The following INPPL1 variants were observed in gnomAD, a reference collection of about 807,000 sequenced individuals.
INPPL1 encodes the protein inositol polyphosphate phosphatase like 1.
A neutral mutation model predicts 139.3 loss-of-function variants in INPPL1; 91 were observed. The observed-to-expected ratio is 0.65, with a 90% CI of 0.55 to 0.78. INPPL1 has a LOEUF of 0.78. INPPL1 is among the 30% of genes least tolerant of loss of function. The pLI is 0.00. For synonymous variants in INPPL1, 719 were observed against 686.6 expected, an observed-to-expected ratio of 1.05 and a Z score of -0.74; for missense variants, 1,411 against 1,665.6, an observed-to-expected ratio of 0.85 and a Z score of 2.66.
rs1246471744 is a variant in INPPL1 at position 72,228,905 on chromosome 11, C to T, written c.518+58C>T. ...ACCCTTTCTCCTCTGAGAACTATTT[C>T]CCTACCAAAGGTGGGGAGGCCTTCT... On this transcript the variant is annotated intron_variant, in intron 4 of 27. Transcript: ENST00000298229. The surrounding 1 kb of genome is among the most constrained non-coding windows in gnomAD (Gnocchi z 5.0). The T allele has an allele frequency of 4.6e-6, 7 of 1,529,718 alleles. No homozygotes were observed. The South Asian group carries it at 5.2e-5, about 11-fold the overall frequency. The allele number at this position is 1,529,718 out of a possible 1,614,324, so 94.8% of individuals were successfully genotyped here.
intron 1 of INPPL1, among the ~76,000 whole-genome samples, chr11:72,226,688 T>C (rs1193038267): frequency 6.6e-6 from 1 of 152,164 alleles, no homozygotes; most frequent in Non-Finnish European, 1.5e-5. Context: ...AGTCTTAGCT[T>C]AGGCCTCAAG....
intron 25 of INPPL1, 28 bp downstream of exon 25, chr11:72,236,014 C>A (rs1403731966): frequency 3.0e-6 from 4 of 1,332,656 alleles, no homozygotes; most frequent in African/African-American, 2.9e-5. Context: ...TCACCGCCCC[C>A]CCTTCCCCCA....
rs769094787 is a variant in INPPL1 at position 72,237,440 on chromosome 11, C to T, written c.3196C>T (p.Pro1066Ser). Residue 1066 changes from proline to serine, a missense_variant, in exon 26 of 28, where the codon CCC becomes TCC. By Grantham distance (74) the Pro-to-Ser change is moderately conservative. Coordinates refer to ENST00000298229, the MANE Select transcript of INPPL1 (RefSeq NM_001567.4). Reference protein sequence around the residue: ...PPLPDSAIFLPPSLDPLPGPV... With the variant: ...PPLPDSAIFLSPSLDPLPGPV... ...ACTGCCGGACTCAGCCATCTTCCTGCCCCCCAGCCTGGATCCTTTACCAGG... is the reference window on the plus strand; with the variant it reads ...ACTGCCGGACTCAGCCATCTTCCTGTCCCCCAGCCTGGATCCTTTACCAGG... The T allele has an allele frequency of 1.9e-6, 3 of 1,610,322 alleles. No individual in the cohort carries two copies. The highest frequency in any genetic ancestry group is 1.3e-5 in the African/African-American group (1 of 75,016).
chr11:72,238,032 G>GT lies in INPPL1; in HGVS notation c.3553-7dup, dbSNP rs750434257. On this transcript the variant is annotated splice_polypyrimidine_tract_variant and intron_variant, in intron 26 of 27. Coordinates refer to ENST00000298229, the MANE Select transcript of INPPL1 (RefSeq NM_001567.4). The stretch of plus-strand genomic sequence containing the variant: ...CACTCAGCTCCCCCTGACATGCCCT[G>GT]TTTCCTTAGGCTCCGTGCCTGCAGG... 2.0e-6 allele frequency: 3 copies of GT among 1,532,260 alleles called. No individual in the cohort carries two copies. Among genetic ancestry groups the GT allele is most frequent in the African/African-American group, 2.8e-5 (2 of 72,270 alleles). 94.9% of individuals were successfully genotyped at this position (1,532,260 alleles called of 1,614,324 possible). A position where few individuals can be genotyped will look rare whatever the true frequency, so the allele number is the denominator to read the frequency against.
upstream of INPPL1, among the ~76,000 whole-genome samples, chr11:72,224,560 C>T (rs1375282108): frequency 6.8e-6 from 1 of 147,772 alleles, no homozygotes; most frequent in Non-Finnish European, 1.5e-5. Context: ...GATTTGGGGA[C>T]TGGATCTCCT....
In INPPL1 at chr11:72,238,544, C is replaced by T. The variant is rs972360160; in HGVS notation, c.*191C>T. 4.2e-6 allele frequency: 2 copies of T among 478,704 alleles called. No individual in the cohort carries two copies. The highest frequency in any genetic ancestry group is 2.0e-5 in the African/African-American group (1 of 49,364). 29.7% of individuals were successfully genotyped at this position (478,704 alleles called of 1,614,324 possible). A position where few individuals can be genotyped will look rare whatever the true frequency, so the allele number is the denominator to read the frequency against. On this transcript the variant is annotated 3_prime_UTR_variant, in exon 28 of 28. Coordinates refer to ENST00000298229, the MANE Select transcript of INPPL1 (RefSeq NM_001567.4). ...GCAATGCCCTAATTAGGGCATCCTG[C>T]CCCTCGCCTTTTAGGCTCAGGACGG...
chr11:72,234,224 C>A lies in INPPL1; in HGVS notation c.2213-57C>A. On this transcript the variant is annotated intron_variant, in intron 19 of 27. Transcript: ENST00000298229. The surrounding 1 kb of genome is among the most constrained non-coding windows in gnomAD (Gnocchi z 4.2). ...TGTCCCAGGGCCCTGTTTCTCTGTCCCATTCCTCCTGTGATCCTCTCAGTC... is the reference window on the plus strand; with the variant it reads ...TGTCCCAGGGCCCTGTTTCTCTGTCACATTCCTCCTGTGATCCTCTCAGTC... The A allele has an allele frequency of 1.5e-6, 2 of 1,339,550 alleles. No homozygotes were observed. Among genetic ancestry groups the A allele is most frequent in the Non-Finnish European group, 2.1e-6 (2 of 931,910 alleles). 83.0% of individuals were successfully genotyped at this position (1,339,550 alleles called of 1,614,324 possible).
chr11:72,230,593 C>G (rs1948805033), intron 10 of INPPL1, 125 bp downstream of exon 10: 3 of 999,578 alleles, frequency 3.0e-6, no homozygotes, highest in East Asian at 5.1e-5. Context: ...AGGGGTAGGT[C>G]TGACAGGGTA....
chr11:72,225,533 A>C, intron 1 of INPPL1: 1 of 985,166 alleles, frequency 1.0e-6, no homozygotes, highest in Non-Finnish European at 1.2e-6. Context: ...TTGGATAGGG[A>C]CTGAGTGGTG....
chr11:72,229,050 T>A (rs764772510), intron 4 of INPPL1, 40 bp from the exon 5 acceptor site: 3 of 1,573,566 alleles, frequency 1.9e-6, no homozygotes, highest in Non-Finnish European at 2.6e-6. Context: ...CTGGGACAGG[T>A]CAGCAGGACC....
intron 1 of INPPL1, chr11:72,225,461 C>T: frequency 1.0e-6 from 1 of 985,422 alleles, no homozygotes; most frequent in Non-Finnish European, 1.2e-6. Context: ...CCCCTTCAGG[C>T]ATCCTCCAGG....
Position 72,234,761 on chromosome 11 carries a change from G to A in INPPL1, c.2415+146G>A, listed in dbSNP as rs1948937996. The A allele has an allele frequency of 4.7e-6, 3 of 633,420 alleles. No individual in the cohort carries two copies. The highest frequency in any genetic ancestry group is 5.5e-6 in the Non-Finnish European group (2 of 361,718). The allele number at this position is 633,420 out of a possible 1,614,324, so 39.2% of individuals were successfully genotyped here. ...TGTGTGTGTGTGTGTGTGTGTGTGT[G>A]TGTATGGGCATGGGCATGAGTGAGG... On this transcript the variant is annotated intron_variant, in intron 21 of 27. Coordinates refer to ENST00000298229, the MANE Select transcript of INPPL1 (RefSeq NM_001567.4). This position sits in a 1 kb window ranked among gnomAD's most constrained non-coding sequence, Gnocchi z 4.2.
chr11:72,230,939 C>T, intron 11 of INPPL1, 41 bp downstream of exon 11: 1 of 1,611,598 alleles, frequency 6.2e-7, no homozygotes, highest in Non-Finnish European at 8.5e-7. Context: ...AGAGGGATGG[C>T]CCCAGAGCAG....
intron 13 of INPPL1, 121 bp from the exon 14 acceptor site, chr11:72,232,119 T>C: frequency 1.3e-6 from 1 of 783,248 alleles, no homozygotes. Context: ...GGCCTGCCCA[T>C]GTCACAGCGT....
chr11:72,223,785 G>T, upstream of INPPL1: 1 of 151,026 alleles, frequency 6.6e-6, no homozygotes, highest in South Asian at 1.8e-4. Context: ...GCGGCTCCGG[G>T]ACCGAGGCGC....
At chr11:72,225,559 C>T (rs1948647166) in intron 1 of INPPL1, 5 of 982,930 alleles carry the variant, frequency 5.1e-6, no homozygotes, top group Admixed American at 6.2e-5. Context: ...GAGAGGGAGT[C>T]GGGGCAGAGG....
At chr11:72,231,651 G>T in intron 13 of INPPL1, 36 bp downstream of exon 13, 1 of 1,432,792 alleles carries the variant, frequency 7.0e-7, no homozygotes, top group South Asian at 1.1e-5. Context: ...GAGTGGCAGC[G>T]TCTCTCTGTC....
rs368692760 is a variant in INPPL1, at chr11:72,231,923, G to A, written c.1615+308G>A. 5.9e-5 allele frequency among the ~76,000 whole-genome samples: 9 copies of A among 152,092 alleles called. No homozygotes were observed. The East Asian group carries it at 9.6e-4, about 16-fold the overall frequency. ...ATTGTGCCCAGGTCTCCTGATTTTC[G>A]GTCTGGTGCTCTCCCAGGTAGATTC... is the stretch of plus-strand genomic sequence containing the variant. On this transcript the variant is annotated intron_variant, in intron 13 of 27. Coordinates refer to ENST00000298229, the MANE Select transcript of INPPL1 (RefSeq NM_001567.4).
chr11:72,230,062 G>T, intron 8 of INPPL1, 43 bp downstream of exon 8: 1 of 1,613,990 alleles, frequency 6.2e-7, no homozygotes. Flanking sequence ...GTGGTTGGAG[G>T]TGACCAGGGT....
Sources: gnomAD v4.1 joint callset for allele counts (sites outside exome capture counted in the v4.1 genomes callset) on GRCh38, gnomAD v4.1.1 for gene constraint, Gnocchi (gnomAD v3.1) non-coding constraint, MANE v1.5 for transcripts, NCBI Gene and HGNC (gene_info 2026-07-23, HGNC 2026-07-21) for gene names.